The following DGKB variants were observed in gnomAD, a reference collection of about 807,000 sequenced individuals.
DGKB encodes diacylglycerol kinase beta.
Under a neutral mutation model 114.3 loss-of-function variants are expected in DGKB, and 67 were observed. The observed-to-expected ratio is 0.59, with a 90% CI of 0.48 to 0.72. The LOEUF is 0.72. DGKB is among the 30% of genes least tolerant of loss of function. The pLI is 0.00. For missense variants in DGKB, 907 were observed against 975.2 expected, an observed-to-expected ratio of 0.93 and a Z score of 0.93; for synonymous variants, 398 against 323.1, an observed-to-expected ratio of 1.23 and a Z score of -2.49.
intron 13 of DGKB, among the ~76,000 whole-genome samples, chr7:14,657,714 T>A (rs1816148912): frequency 6.6e-6 from 1 of 151,906 alleles, no homozygotes; most frequent in African/African-American, 2.4e-5. Flanking sequence ...CCCACCAGAC[T>A]CTGCATTTCT....
chr7:14,479,654 C>T (rs904436700), intron 20 of DGKB, among the ~76,000 whole-genome samples: 3 of 152,074 alleles, frequency 2.0e-5, no homozygotes, highest in African/African-American at 7.2e-5. Flanking sequence ...AATCTAGTCA[C>T]AGAGTTCCTT....
intron 5 of DGKB, among the ~76,000 whole-genome samples, chr7:14,732,516 C>T (rs1831073705): frequency 6.6e-6 from 1 of 151,392 alleles, no homozygotes; most frequent in Non-Finnish European, 1.5e-5. Flanking sequence ...TCTATTGTTC[C>T]TTCTTCCTCA....
chr7:14,954,513 C>T (rs963156725), intron 1 of DGKB, among the ~76,000 whole-genome samples: 6 of 151,840 alleles, frequency 4.0e-5, no homozygotes, highest in Non-Finnish European at 8.8e-5. Flanking sequence ...ATTACTCCAG[C>T]CACTGAATTG....
At chr7:14,827,362 G>A (rs1845836435) in intron 2 of DGKB, among the ~76,000 whole-genome samples, 1 of 152,026 alleles carries the variant, frequency 6.6e-6, no homozygotes, top group Admixed American at 6.6e-5. Context: ...AGCCTCTTCT[G>A]TGGCATTTAA....
intron 23 of DGKB, among the ~76,000 whole-genome samples, chr7:14,266,218 C>T (rs2128422069): frequency 6.6e-6 from 1 of 152,284 alleles, no homozygotes; most frequent in African/African-American, 2.4e-5. Flanking sequence ...GCCTAAATAA[C>T]ACAGTTATTT....
chr7:14,649,346 T>A (rs1267445319), intron 13 of DGKB, among the ~76,000 whole-genome samples: 1 of 151,488 alleles, frequency 6.6e-6, no homozygotes, highest in Non-Finnish European at 1.5e-5. Flanking sequence ...ATATTCAACA[T>A]TCTTAAAGAA....
chr7:14,645,823 C>T (rs1307949149), intron 13 of DGKB, among the ~76,000 whole-genome samples: 2 of 151,862 alleles, frequency 1.3e-5, no homozygotes, highest in Non-Finnish European at 2.9e-5. Context: ...ACTGGATATA[C>T]AAGAAATAAG....
chr7:14,321,609 A>G (rs1234366193), intron 23 of DGKB, among the ~76,000 whole-genome samples: 2 of 151,528 alleles, frequency 1.3e-5, no homozygotes, highest in Non-Finnish European at 2.9e-5. Flanking sequence ...ATAAGAAAAA[A>G]AAAAAAAAAA....
intron 23 of DGKB, among the ~76,000 whole-genome samples, chr7:14,333,915 T>G (rs1810187397): frequency 6.6e-6 from 1 of 152,202 alleles, no homozygotes; most frequent in Non-Finnish European, 1.5e-5. Context: ...TGTACATACC[T>G]GAAAAGCTCC....
At chr7:14,832,286 C>T (rs1846529246) in intron 2 of DGKB, among the ~76,000 whole-genome samples, 1 of 151,970 alleles carries the variant, frequency 6.6e-6, no homozygotes, top group Non-Finnish European at 1.5e-5. Flanking sequence ...CAAGATTTGG[C>T]CTTAGGATCA....
At chr7:14,361,210 T>C (rs955742010) in intron 21 of DGKB, among the ~76,000 whole-genome samples, 3 of 152,080 alleles carry the variant, frequency 2.0e-5, no homozygotes, top group African/African-American at 7.2e-5. Context: ...ATTTTGAAAA[T>C]GCCAATCACC....
At chr7:14,677,279 G>C (rs373766506) in intron 12 of DGKB, among the ~76,000 whole-genome samples, 2 of 151,806 alleles carry the variant, frequency 1.3e-5, no homozygotes, top group Non-Finnish European at 2.9e-5. Flanking sequence ...GAAAATAAGT[G>C]TTCATAGGAA....
chr7:14,851,919 G>T (rs1450190117), intron 1 of DGKB, among the ~76,000 whole-genome samples: 1 of 152,118 alleles, frequency 6.6e-6, no homozygotes, highest in Non-Finnish European at 1.5e-5. Context: ...TGTCTGCCTA[G>T]TAGCCCCATT....
intron 21 of DGKB, among the ~76,000 whole-genome samples, chr7:14,375,380 G>C (rs1175843024): frequency 1.3e-5 from 2 of 151,998 alleles, no homozygotes; most frequent in African/African-American, 4.8e-5. Flanking sequence ...AGAGCTAAGA[G>C]GTAATGAACA....
chr7:14,276,474 A>G (rs1799011891), intron 23 of DGKB, among the ~76,000 whole-genome samples: 1 of 152,186 alleles, frequency 6.6e-6, no homozygotes, highest in African/African-American at 2.4e-5. Context: ...TTTCCGACAT[A>G]AAGGAAATAC....
intron 21 of DGKB, among the ~76,000 whole-genome samples, chr7:14,428,430 T>A (rs1287123496): frequency 2.0e-5 from 3 of 152,152 alleles, no homozygotes; most frequent in Non-Finnish European, 4.4e-5. Flanking sequence ...TTGTTTTGCA[T>A]CGAGGTTGTT....
intron 7 of DGKB, among the ~76,000 whole-genome samples, chr7:14,698,616 G>C (rs1824528641): frequency 6.6e-6 from 1 of 152,088 alleles, no homozygotes; most frequent in South Asian, 2.1e-4. Context: ...GACTGTTTTA[G>C]TCATGTATTG....
chr7:14,875,039 A>G (rs1185624433), intron 1 of DGKB, among the ~76,000 whole-genome samples: 1 of 152,114 alleles, frequency 6.6e-6, no homozygotes, highest in Admixed American at 6.6e-5. Flanking sequence ...GTGAGAAAAA[A>G]ATACCCATTG....
chr7:14,808,790 G>A (rs995705495), intron 2 of DGKB, among the ~76,000 whole-genome samples: 24 of 152,066 alleles, frequency 1.6e-4, no homozygotes, highest in African/African-American at 5.8e-4. Context: ...TAGGGTATAG[G>A]TACTCCAAGT....
Sources: gnomAD v4.1 joint callset for allele counts (sites outside exome capture counted in the v4.1 genomes callset) on GRCh38, gnomAD v4.1.1 for gene constraint, MANE v1.5 for transcripts, NCBI Gene and HGNC (gene_info 2026-07-23, HGNC 2026-07-21) for gene names.